Variants in CEP170B observed in about 807,000 individuals in gnomAD.
CEP170B encodes centrosomal protein 170B, also known as centrosomal protein of 170 kDa protein B.
In CEP170B, 55 loss-of-function variants were observed where a neutral mutation model predicts 120.6. The ratio of observed to expected loss-of-function variants is 0.46; its 90% confidence interval spans 0.37 to 0.57. CEP170B has a LOEUF of 0.57. Ranked by LOEUF, CEP170B falls within the 20% of genes least tolerant of loss-of-function variation. The pLI, the probability that CEP170B is intolerant of heterozygous loss-of-function variation, is 0.00. For synonymous variants in CEP170B, 1,033 were observed against 954.5 expected (o/e 1.08, Z -1.52); for missense variants, 2,212 against 2,253.3 (o/e 0.98, Z 0.37).
chr14:104,896,302 C>CGTAT lies in CEP170B; in HGVS notation c.*1344_*1345insGTAT. On this transcript the variant is annotated 3_prime_UTR_variant, in exon 19 of 19. Coordinates refer to ENST00000414716, the MANE Select transcript of CEP170B (RefSeq NM_001112726.3). ...GGTTCTGTTCCTCTGAGCCTGCGGC[C>CGTAT]CACCTGATGTTTACGTGTGTGTGTG... The CGTAT allele has an allele frequency of 3.1e-6, 1 of 317,606 alleles. No homozygotes were observed. The highest frequency in any genetic ancestry group is 6.3e-6 in the Non-Finnish European group (1 of 158,582). 19.7% of individuals were successfully genotyped at this position (317,606 alleles called of 1,614,324 possible). A position where few individuals can be genotyped will look rare whatever the true frequency, so the allele number is the denominator to read the frequency against.
At chr14:104,864,843 G>A (rs1895105963), upstream of CEP170B, among the ~76,000 whole-genome samples, 1 of 152,180 alleles carries the variant, frequency 6.6e-6, no homozygotes, top group Non-Finnish European at 1.5e-5. The surrounding 1 kb of genome is among the most constrained non-coding windows in gnomAD (Gnocchi z 5.9). Flanking sequence ...AGGCGCGGCT[G>A]GAGCCTACAG....
chr14:104,885,100 C>G (rs902139080), intron 9 of CEP170B, among the ~76,000 whole-genome samples: 2 of 151,886 alleles, frequency 1.3e-5, no homozygotes, highest in African/African-American at 4.8e-5. Context: ...TTGTCCTGCT[C>G]CGGCCCAGCC....
Position 104,888,610 on chromosome 14 carries a change from C to T in CEP170B, c.3739+632C>T, listed in dbSNP as rs546730775. Among the ~76,000 whole-genome samples the T allele has an allele frequency of 2.3e-3, 355 of 152,364 alleles. 2 individuals are homozygous for T. The highest frequency in any genetic ancestry group is 8.4e-3 in the African/African-American group (349 of 41,586). ...CTCCTACCTGGGGTGGCCGGACATCCGCGTCTGCAGAGCGGGGCCCACCCC... is the reference window on the plus strand; with the variant it reads ...CTCCTACCTGGGGTGGCCGGACATCTGCGTCTGCAGAGCGGGGCCCACCCC... On this transcript the variant is annotated intron_variant, in intron 12 of 18. Coordinates refer to ENST00000414716, the MANE Select transcript of CEP170B (RefSeq NM_001112726.3).
In CEP170B at chr14:104,891,336, G is replaced by A. The variant is rs1425490814; in HGVS notation, c.3878+1578G>A. Among the ~76,000 whole-genome samples, 3 of 152,118 alleles carry A rather than the reference G, an allele frequency of 2.0e-5. No individual in the cohort carries two copies. The highest frequency in any genetic ancestry group is 2.1e-4 in the South Asian group (1 of 4,816). On this transcript the variant is annotated intron_variant, in intron 13 of 18. Coordinates refer to ENST00000414716, the MANE Select transcript of CEP170B (RefSeq NM_001112726.3). The surrounding 1 kb of genome is among the most constrained non-coding windows in gnomAD (Gnocchi z 4.3). ...CCCTGAAAGGCTGTGGGGCAGGCAG[G>A]GGGGGTCCCAGGACCAGGGTGGATG...
chr14:104,866,806 C>A (rs569961976), intron 1 of CEP170B, among the ~76,000 whole-genome samples: 1 of 152,216 alleles, frequency 6.6e-6, no homozygotes, highest in South Asian at 2.1e-4. Flanking sequence ...GGACAAGGAG[C>A]CACTCACTCC....
At chr14:104,872,297 TGCCATGG>T (rs1895559541) in intron 2 of CEP170B, among the ~76,000 whole-genome samples, 2 of 78,496 alleles carry the variant, frequency 2.5e-5, no homozygotes, top group African/African-American at 3.7e-5. Flanking sequence ...CGCGTGTGTG[TGCCATGG>T]GTGTGCGTGT....
Position 104,896,747 on chromosome 14 carries a change from A to G in CEP170B, c.*1789A>G, listed in dbSNP as rs1277201108. ...ATAAATCATTCTTCTATCACATGGC[A>G]GCACGCTGGAGCCTGTCACCTTGGC... is the stretch of plus-strand genomic sequence containing the variant. On this transcript the variant is annotated 3_prime_UTR_variant, in exon 19 of 19. Coordinates refer to ENST00000414716, the MANE Select transcript of CEP170B (RefSeq NM_001112726.3). 2.2e-6 allele frequency: 1 copy of G among 451,560 alleles called. No homozygotes were observed. Among genetic ancestry groups the G allele is most frequent in the African/African-American group, 2.0e-5 (1 of 49,950 alleles). 28.0% of individuals were successfully genotyped at this position (451,560 alleles called of 1,614,324 possible).
intron 4 of CEP170B, 127 bp from the exon 5 acceptor site, chr14:104,878,316 G>A: frequency 1.1e-6 from 1 of 941,346 alleles, no homozygotes; most frequent in Non-Finnish European, 1.7e-6. Flanking sequence ...TGCCTCCCCG[G>A]GAAGAAAGAG....
chr14:104,887,769 C>A lies in CEP170B; in HGVS notation c.3530C>A (p.Ala1177Asp). Residue 1177 changes from alanine to aspartate, a missense_variant, in exon 12 of 19, where the codon GCC (alanine) becomes GAC (aspartate). Physicochemically the swap from Ala to Asp is moderately radical, Grantham distance 126 (BLOSUM62 -2). Coordinates refer to ENST00000414716, the MANE Select transcript of CEP170B (RefSeq NM_001112726.3). ...LDILAMPRKR[A>D]GSFTGTSDPE... ...ATCCTGGCCATGCCCCGGAAGCGGG[C>A]CGGCTCCTTCACAGGGACTAGTGAC... is the stretch of plus-strand genomic sequence containing the variant. 2 of 1,579,224 alleles carry A rather than the reference C, an allele frequency of 1.3e-6. No homozygotes were observed. The highest frequency in any genetic ancestry group is 1.2e-5 in the South Asian group (1 of 86,662).
intron 15 of CEP170B, 29 bp from the exon 16 acceptor site, chr14:104,893,732 G>A (rs377397503): frequency 9.7e-5 from 154 of 1,594,504 alleles, no homozygotes; most frequent in African/African-American, 2.4e-4. Context: ...CCTCGAGGGC[G>A]GGGCCATGCT....
At position 104,896,395 on chromosome 14, in the gene CEP170B, GA is replaced by G. The variant is rs1897076322; in HGVS notation, c.*1438del. ...CCAAGAGCCTGCTGTCTGTATGGAG[GA>G]GGTGCTAGCCCGGTCCACCGGGCTG... is the stretch of plus-strand genomic sequence containing the variant. On this transcript the variant is annotated 3_prime_UTR_variant, in exon 19 of 19. Coordinates refer to ENST00000414716, the MANE Select transcript of CEP170B (RefSeq NM_001112726.3). 1 of 357,596 alleles carries G rather than the reference GA, an allele frequency of 2.8e-6. No individual in the cohort carries two copies. Among genetic ancestry groups the G allele is most frequent in the African/African-American group, 2.1e-5 (1 of 46,704 alleles). The allele number at this position is 357,596 out of a possible 1,614,324, so 22.2% of individuals were successfully genotyped here. A position where few individuals can be genotyped will look rare whatever the true frequency, so the allele number is the denominator to read the frequency against.
Position 104,878,698 on chromosome 14 carries a change from C to A in CEP170B, c.333+197C>A, listed in dbSNP as rs7150561. On this transcript the variant is annotated intron_variant, in intron 5 of 18. Transcript: ENST00000414716. ...CCAGTCCGGCAGGTGGGAAGGTAGTCATTACCCCCAGCCTGCTGCAGTGAC... is the reference window on the plus strand; with the variant it reads ...CCAGTCCGGCAGGTGGGAAGGTAGTAATTACCCCCAGCCTGCTGCAGTGAC... 0.43 allele frequency among the ~76,000 whole-genome samples: 65,267 copies of A among 150,266 alleles called. 16,806 individuals are homozygous for A. Among genetic ancestry groups the A allele is most frequent in the Middle Eastern group, 0.68 (198 of 290 alleles).
At position 104,893,682 on chromosome 14, in the gene CEP170B, C is replaced by A. The variant is rs774361585; in HGVS notation, c.4182+16C>A. 1.9e-6 allele frequency: 3 copies of A among 1,583,200 alleles called. No individual in the cohort carries two copies. Among genetic ancestry groups the A allele is most frequent in the Non-Finnish European group, 2.6e-6 (3 of 1,165,942 alleles). ...CCGAGAGGAGGCACGGTGCCCACTA[C>A]CGCCACGGAGCTGGGTGTGGGGGGA... On this transcript the variant is annotated intron_variant, in intron 15 of 18. Transcript: ENST00000414716.
chr14:104,889,241 A>C (rs1304600652), intron 12 of CEP170B, among the ~76,000 whole-genome samples: 1 of 152,060 alleles, frequency 6.6e-6, no homozygotes, highest in Non-Finnish European at 1.5e-5. Flanking sequence ...TTTCCCACCT[A>C]ATCAGCTGCA....
Position 104,865,367 on chromosome 14 carries a change from G to C in CEP170B, c.-174G>C, listed in dbSNP as rs1224316348. 11 of 147,570 alleles carry C rather than the reference G, an allele frequency of 7.5e-5. No homozygotes were observed. Among genetic ancestry groups the C allele is most frequent in the Non-Finnish European group, 1.4e-4 (9 of 66,412 alleles). 9.1% of individuals were successfully genotyped at this position (147,570 alleles called of 1,614,324 possible). On this transcript the variant is annotated 5_prime_UTR_variant, in exon 1 of 19. Coordinates refer to ENST00000414716, the MANE Select transcript of CEP170B (RefSeq NM_001112726.3). The surrounding 1 kb of genome is among the most constrained non-coding windows in gnomAD (Gnocchi z 6.7). ...GCGGGCCTCGCCGGGCATGTCCTAG[G>C]CGGCGGCCCCGCCCAGCGCTCGGCC...
In CEP170B at chr14:104,870,496, C is replaced by T. The variant is rs532188184; in HGVS notation, c.105+1941C>T. On this transcript the variant is annotated intron_variant, in intron 2 of 18. Transcript: ENST00000414716. The surrounding 1 kb of genome is among the most constrained non-coding windows in gnomAD (Gnocchi z 4.1). ...GGCCGCGCTGCTCTACCTAGGGTGG[C>T]TAGGAGGGCTTCTTGGAGGCGGCGG... is the stretch of plus-strand genomic sequence containing the variant. Among the ~76,000 whole-genome samples, 1 of 152,240 alleles carries T rather than the reference C, an allele frequency of 6.6e-6. No homozygotes were observed. The highest frequency in any genetic ancestry group is 2.1e-4 in the South Asian group (1 of 4,830).
At chr14:104,879,522 GC>G (rs1232652518) in intron 5 of CEP170B, among the ~76,000 whole-genome samples, 1 of 152,146 alleles carries the variant, frequency 6.6e-6, no homozygotes, top group South Asian at 2.1e-4. Flanking sequence ...CACGACCAAG[GC>G]CCCCCGAGTT....
intron 16 of CEP170B, 106 bp downstream of exon 16, chr14:104,893,955 TCGTGTGCACCTGTGGAGCAGCCCTCC>T (rs1896971922): frequency 1.1e-5 from 12 of 1,044,846 alleles, no homozygotes; most frequent in Middle Eastern, 2.4e-4. Flanking sequence ...TCATGGGTAC[TCGTGTGCACCTGTGGAGCAGCCCTCC>T]CGTGTGCACG....
At chr14:104,879,029 G>T (rs1308495966) in intron 5 of CEP170B, among the ~76,000 whole-genome samples, 2 of 152,258 alleles carry the variant, frequency 1.3e-5, no homozygotes, top group East Asian at 3.9e-4. Flanking sequence ...GGCCAGGAGG[G>T]TATAGAGCCC....
Sources: allele counts gnomAD v4.1 joint callset (sites outside exome capture counted in the v4.1 genomes callset), GRCh38; gene constraint gnomAD v4.1.1; non-coding constraint Gnocchi (gnomAD v3.1); transcripts MANE v1.5; gene names NCBI Gene and HGNC (gene_info 2026-07-23, HGNC 2026-07-21).